NOX4: variants seen among roughly 807,000 people sequenced by gnomAD.
NOX4 encodes the protein NADPH oxidase 4.
NOX4 carries 69 observed loss-of-function variants against 87.6 expected under a neutral mutation model. The ratio of observed to expected loss-of-function variants is 0.79; its 90% confidence interval spans 0.65 to 0.96. NOX4 has a LOEUF of 0.96. NOX4 is among the 40% of genes least tolerant of loss of function. The probability of loss-of-function intolerance (pLI) is 0.00; values close to 1 mark genes in which losing one functional copy is unlikely to be tolerated. For synonymous variants in NOX4, 275 were observed against 238.2 expected, an observed-to-expected ratio of 1.15 and a Z score of -1.42; for missense variants, 680 against 681.5, an observed-to-expected ratio of 1.00 and a Z score of 0.02.
At chr11:89,389,716 G>A (rs958737273) in intron 11 of NOX4, among the ~76,000 whole-genome samples, 1 of 152,132 alleles carries the variant, frequency 6.6e-6, no homozygotes, top group Non-Finnish European at 1.5e-5. Context: ...AGCAGTGTTA[G>A]CAATATGAAA....
the NOX4 span, among the ~76,000 whole-genome samples, chr11:89,507,467 A>G: frequency 1.2e-4 from 18 of 151,252 alleles, no homozygotes; most frequent in African/African-American, 4.4e-4. Context: ...CATATGTCAT[A>G]TAATATATAA....
intron 7 of NOX4, among the ~76,000 whole-genome samples, chr11:89,430,153 A>G (rs1943699632): frequency 6.6e-6 from 1 of 152,098 alleles, no homozygotes; most frequent in Non-Finnish European, 1.5e-5. Context: ...AAATTCAACA[A>G]CCCTTCATGC....
At chr11:89,364,088 G>C (rs1025474494) in intron 12 of NOX4, among the ~76,000 whole-genome samples, 17 of 151,918 alleles carry the variant, frequency 1.1e-4, no homozygotes, top group African/African-American at 4.1e-4. Flanking sequence ...CTTCAACAAA[G>C]TTTAAAAAAT....
chr11:89,535,942 T>C, the NOX4 span, among the ~76,000 whole-genome samples: 2 of 152,108 alleles, frequency 1.3e-5, no homozygotes, highest in Admixed American at 1.3e-4. Flanking sequence ...AAAAAGGAAA[T>C]CCCACGGTCT....
chr11:89,537,246 AATG>A, the NOX4 span, among the ~76,000 whole-genome samples: 2 of 152,180 alleles, frequency 1.3e-5, no homozygotes, highest in African/African-American at 4.8e-5. Flanking sequence ...AATGTTCTAA[AATG>A]ATGTTAAGCA....
At chr11:89,543,845 G>C in the NOX4 span, among the ~76,000 whole-genome samples, 1 of 151,988 alleles carries the variant, frequency 6.6e-6, no homozygotes, top group African/African-American at 2.4e-5. Context: ...GTCTGAATTT[G>C]ATAGATCAAG....
At chr11:89,558,714 A>G in the NOX4 span, among the ~76,000 whole-genome samples, 1 of 152,088 alleles carries the variant, frequency 6.6e-6, no homozygotes, top group African/African-American at 2.4e-5. Context: ...CGTTGGCACA[A>G]ATGGTAAGTC....
chr11:89,424,239 A>C (rs1943249678), intron 7 of NOX4, among the ~76,000 whole-genome samples: 1 of 151,884 alleles, frequency 6.6e-6, no homozygotes, highest in African/African-American at 2.4e-5. Context: ...TCAATTTTTC[A>C]AACTAATTAT....
At chr11:89,446,244 T>C (rs1263518976) in intron 4 of NOX4, among the ~76,000 whole-genome samples, 1 of 152,070 alleles carries the variant, frequency 6.6e-6, no homozygotes, top group East Asian at 1.9e-4. Context: ...CAACAGAAAC[T>C]GTCATTCATT....
At chr11:89,587,846 AT>A in the NOX4 span, among the ~76,000 whole-genome samples, 5 of 152,090 alleles carry the variant, frequency 3.3e-5, no homozygotes, top group South Asian at 2.1e-4. Flanking sequence ...CTATTCTTAG[AT>A]TTTGAAGACA....
the NOX4 span, among the ~76,000 whole-genome samples, chr11:89,524,599 C>T: frequency 6.6e-6 from 1 of 151,992 alleles, no homozygotes; most frequent in African/African-American, 2.4e-5. Flanking sequence ...TTTAAGGGCA[C>T]ATTCCAAGAA....
chr11:89,540,656 C>T, the NOX4 span, among the ~76,000 whole-genome samples: 2 of 151,418 alleles, frequency 1.3e-5, no homozygotes, highest in African/African-American at 4.8e-5. Flanking sequence ...GGCATGGTGG[C>T]GGGCACCTGT....
At chr11:89,343,877 T>C (rs892052029) in intron 13 of NOX4, among the ~76,000 whole-genome samples, 6 of 152,068 alleles carry the variant, frequency 3.9e-5, no homozygotes, top group African/African-American at 1.4e-4. Context: ...ATTCTAAGAA[T>C]AAGAGATATC....
chr11:89,501,345 T>C (rs188946563), upstream of NOX4, among the ~76,000 whole-genome samples: 4 of 152,154 alleles, frequency 2.6e-5, no homozygotes, highest in Admixed American at 1.3e-4. Context: ...TGATATTAGA[T>C]TGTCCCTCAG....
intron 17 of NOX4, among the ~76,000 whole-genome samples, chr11:89,330,628 G>GA (rs35155228): frequency 0.014 from 1,089 of 79,616 alleles, 7 homozygotes; most frequent in African/African-American, 0.031. Flanking sequence ...TTACTAAAAA[G>GA]AAAAAAAAAA....
chr11:89,526,177 G>T, the NOX4 span, among the ~76,000 whole-genome samples: 1 of 151,964 alleles, frequency 6.6e-6, no homozygotes, highest in South Asian at 2.1e-4. Context: ...GACTAATGTG[G>T]GTCATTTGAA....
At chr11:89,509,134 C>T in the NOX4 span, among the ~76,000 whole-genome samples, 2 of 151,946 alleles carry the variant, frequency 1.3e-5, no homozygotes, top group Admixed American at 1.3e-4. Flanking sequence ...TACCAATATA[C>T]TTGTAAATAA....
intron 8 of NOX4, among the ~76,000 whole-genome samples, chr11:89,415,743 G>C (rs1285438980): frequency 6.6e-6 from 1 of 152,024 alleles, no homozygotes; most frequent in Non-Finnish European, 1.5e-5. Context: ...GAAGTAATGG[G>C]CACCAAACTG....
rs544722582 is a variant in NOX4, at chr11:89,459,647, A to G, written c.154-7752T>C. Among the ~76,000 whole-genome samples the G allele has an allele frequency of 2.0e-5, 3 of 152,222 alleles. No individual in the cohort carries two copies. The East Asian group carries it at 5.8e-4, about 29-fold the overall frequency. Reference sequence around the variant, plus strand: ...AAGGAGAACTACAAACCACTGCTCAATGAAATAAAAGAGGATACAAACAAA... The same window carrying G: ...AAGGAGAACTACAAACCACTGCTCAGTGAAATAAAAGAGGATACAAACAAA... On this transcript the variant is annotated intron_variant, in intron 2 of 17. Transcript: ENST00000263317.
Sources: gnomAD v4.1 joint callset for allele counts (sites outside exome capture counted in the v4.1 genomes callset) on GRCh38, gnomAD v4.1.1 for gene constraint, MANE v1.5 for transcripts, NCBI Gene and HGNC (gene_info 2026-07-23, HGNC 2026-07-21) for gene names.